NLRC5: variants seen among roughly 807,000 people sequenced by gnomAD.
NLRC5 encodes NLR family CARD domain containing 5.
A neutral mutation model predicts 206.9 loss-of-function variants in NLRC5; 114 were observed. The observed-to-expected ratio is 0.55, with a 90% CI of 0.47 to 0.64. The LOEUF is 0.64. Among genes scored for constraint, NLRC5 ranks in the 30% least tolerant of loss-of-function variants. The pLI, the probability that NLRC5 is intolerant of heterozygous loss-of-function variation, is 0.00. For synonymous variants in NLRC5, 952 were observed against 962.8 expected, an observed-to-expected ratio of 0.99 and a Z score of 0.21; for missense variants, 2,008 against 2,305.5, an observed-to-expected ratio of 0.87 and a Z score of 2.64.
At chr16:57,038,957 A>AG (rs1285927748) in intron 15 of NLRC5, among the ~76,000 whole-genome samples, 26 of 151,634 alleles carry the variant, frequency 1.7e-4, no homozygotes, top group Non-Finnish European at 2.9e-4. Flanking sequence ...AAAAAAAAAA[A>AG]AGAGAGAGCA....
chr16:57,066,321 A>G (rs76135542), intron 33 of NLRC5, among the ~76,000 whole-genome samples: 1 of 152,006 alleles, frequency 6.6e-6, no homozygotes, highest in South Asian at 2.1e-4. Flanking sequence ...AAAAAAAAAA[A>G]AGAAAGAGAA....
intron 1 of NLRC5, among the ~76,000 whole-genome samples, chr16:57,004,763 A>T (rs1462031180): frequency 6.6e-6 from 1 of 152,208 alleles, no homozygotes; most frequent in Non-Finnish European, 1.5e-5. Context: ...CTCTGTGTCA[A>T]CAGCATTTTC....
intron 38 of NLRC5, 96 bp from the exon 39 acceptor site, chr16:57,074,504 G>T: frequency 9.9e-7 from 1 of 1,013,644 alleles, no homozygotes; most frequent in Admixed American, 1.7e-5. Context: ...CTGTCTTGGA[G>T]GTCCCTAGGC....
At chr16:57,034,501 T>C in intron 13 of NLRC5, 1 of 462,088 alleles carries the variant, frequency 2.2e-6, no homozygotes, top group African/African-American at 2.0e-5. Flanking sequence ...GTTACTGTCC[T>C]CATTTTATAG....
rs536369460 is a variant in NLRC5, at chr16:57,082,624, C to T, written c.*96C>T. The T allele has an allele frequency of 7.0e-6, 6 of 860,224 alleles. No individual in the cohort carries two copies. The highest frequency in any genetic ancestry group is 4.8e-5 in the South Asian group (3 of 61,900). The allele number at this position is 860,224 out of a possible 1,614,324, so 53.3% of individuals were successfully genotyped here. ...TAATTGACTCAGGAAAGAAGAGCCT[C>T]GGCAGGGCGCTCTGCACTCCACCCA... On this transcript the variant is annotated 3_prime_UTR_variant, in exon 49 of 49. Transcript: ENST00000688547.
chr16:57,040,715 T>C lies in NLRC5; in HGVS notation c.2936T>C (p.Met979Thr). The change falls in exon 17 of 49, where the codon ATG becomes ACG. Residue 979 changes from methionine to threonine, a missense_variant. Met to Thr is a moderately conservative substitution (Grantham distance 81). Coordinates refer to ENST00000688547, the MANE Select transcript of NLRC5 (RefSeq NM_001384950.1). Reference protein sequence around the residue: ...PSELPLSSRRMRLTHCGLQEK... With the variant: ...PSELPLSSRRTRLTHCGLQEK... Reference sequence around the variant, plus strand: ...GAGCTGCCTCTGAGCTCCCGAAGGATGAGGTACAGTGATGGCCTCCAGCCC... The same window carrying C: ...GAGCTGCCTCTGAGCTCCCGAAGGACGAGGTACAGTGATGGCCTCCAGCCC... 1 of 1,614,068 alleles carries C rather than the reference T, an allele frequency of 6.2e-7. No homozygotes were observed. Among genetic ancestry groups the C allele is most frequent in the African/African-American group, 1.3e-5 (1 of 75,030 alleles).
intron 2 of NLRC5, among the ~76,000 whole-genome samples, chr16:57,020,065 G>A (rs79162839): frequency 0.011 from 1,732 of 152,104 alleles, 31 homozygotes; most frequent in African/African-American, 0.04. Flanking sequence ...GAGACATCAA[G>A]ACTCCATGGA....
At chr16:57,046,509 G>C in intron 21 of NLRC5, 43 bp from the exon 22 acceptor site, 1 of 1,555,112 alleles carries the variant, frequency 6.4e-7, no homozygotes, top group South Asian at 1.1e-5. Flanking sequence ...GGGAGTCCGA[G>C]GGGGTGATCT....
At chr16:57,022,806 C>T (rs1402601359) in intron 4 of NLRC5, among the ~76,000 whole-genome samples, 1 of 152,270 alleles carries the variant, frequency 6.6e-6, no homozygotes, top group Admixed American at 6.5e-5. Flanking sequence ...GTGGGTCACA[C>T]TTTCATCTCA....
At chr16:57,039,025 C>T (rs1472355044) in intron 15 of NLRC5, among the ~76,000 whole-genome samples, 1 of 151,678 alleles carries the variant, frequency 6.6e-6, no homozygotes, top group Non-Finnish European at 1.5e-5. Context: ...TATTTGTCAT[C>T]CCTGCTTCTA....
At chr16:57,041,164 G>T (rs570165943) in intron 17 of NLRC5, among the ~76,000 whole-genome samples, 1 of 151,946 alleles carries the variant, frequency 6.6e-6, no homozygotes, top group Non-Finnish European at 1.5e-5. Flanking sequence ...CTCTCTCATC[G>T]TGTATTTCTG....
intron 11 of NLRC5, among the ~76,000 whole-genome samples, chr16:57,032,680 G>T (rs960440790): frequency 6.6e-6 from 1 of 151,858 alleles, no homozygotes; most frequent in Non-Finnish European, 1.5e-5. Context: ...CAGATGCCAG[G>T]ACATTTCCAT....
intron 24 of NLRC5, among the ~76,000 whole-genome samples, chr16:57,051,912 G>A (rs893408088): frequency 2.0e-4 from 31 of 152,132 alleles, no homozygotes; most frequent in African/African-American, 7.2e-4. Flanking sequence ...AATATTCCCC[G>A]CCCATTCCCC....
chr16:57,072,874 C>T lies in NLRC5; in HGVS notation c.4668-1726C>T, dbSNP rs181229954. The stretch of plus-strand genomic sequence containing the variant: ...TGAAAGTAGCCTTTTGACTTTTTGC[C>T]CCTTAACATTGAAATTCTTCCGCTT... On this transcript the variant is annotated intron_variant, in intron 38 of 48. Coordinates refer to ENST00000688547, the MANE Select transcript of NLRC5 (RefSeq NM_001384950.1). Among the ~76,000 whole-genome samples the T allele has an allele frequency of 2.6e-5, 4 of 152,108 alleles. No individual in the cohort carries two copies. In the East Asian group the frequency reaches 7.7e-4, roughly 29 times the overall value.
chr16:57,063,162 G>C (rs1399899473), intron 32 of NLRC5, among the ~76,000 whole-genome samples: 1 of 145,306 alleles, frequency 6.9e-6, no homozygotes, highest in Non-Finnish European at 1.5e-5. Flanking sequence ...ACCTGGGCTG[G>C]AGTGCACTGG....
chr16:56,998,678 G>A (rs879261312), intron 1 of NLRC5, among the ~76,000 whole-genome samples: 1 of 152,222 alleles, frequency 6.6e-6, no homozygotes, highest in African/African-American at 2.4e-5. Flanking sequence ...CCTGTGGGAA[G>A]AAACAGTATT....
intron 15 of NLRC5, 39 bp downstream of exon 15, chr16:57,037,323 C>G (rs771857808): frequency 1.3e-5 from 20 of 1,530,328 alleles, no homozygotes; most frequent in South Asian, 8.9e-5. Flanking sequence ...ATCCCCCCCC[C>G]CATCATGCTC....
chr16:57,052,886 T>G (rs2065115590), intron 24 of NLRC5: 1 of 152,232 alleles, frequency 6.6e-6, no homozygotes, highest in Non-Finnish European at 1.5e-5. Context: ...GAGAGGAACT[T>G]CTCTTTGCCT....
rs148228242 is a variant in NLRC5 at position 57,034,418 on chromosome 16, G to A, written c.2627+167G>A. The A allele has an allele frequency of 3.1e-3, 1,913 of 618,228 alleles. 7 individuals are homozygous for A. Among genetic ancestry groups the A allele is most frequent in the Middle Eastern group, 6.8e-3 (16 of 2,348 alleles). 38.3% of individuals were successfully genotyped at this position (618,228 alleles called of 1,614,324 possible). On this transcript the variant is annotated intron_variant, in intron 13 of 48. Transcript: ENST00000688547. Reference sequence around the variant, plus strand: ...GCTGCTACTATTCAGCACTTGTCCCGGGTCAGGTGCTGTGCTAGGGACTGT... The same window carrying A: ...GCTGCTACTATTCAGCACTTGTCCCAGGTCAGGTGCTGTGCTAGGGACTGT...
Sources: gnomAD v4.1 joint callset for allele counts (sites outside exome capture counted in the v4.1 genomes callset) on GRCh38, gnomAD v4.1.1 for gene constraint, MANE v1.5 for transcripts, NCBI Gene and HGNC (gene_info 2026-07-23, HGNC 2026-07-21) for gene names.